CABIN1: variants seen among roughly 807,000 people sequenced by gnomAD.
CABIN1 encodes the protein calcineurin binding protein 1.
In CABIN1, 133 loss-of-function variants were observed where a neutral mutation model predicts 227.7. The ratio of observed to expected loss-of-function variants is 0.58; its 90% CI spans 0.51 to 0.67. CABIN1 has a LOEUF of 0.67. CABIN1 is among the 30% of genes least tolerant of loss of function. The pLI, the probability that CABIN1 is intolerant of heterozygous loss-of-function variation, is 0.00. For synonymous variants in CABIN1, 1,086 were observed against 1,155.1 expected, an observed-to-expected ratio of 0.94 and a Z score of 1.21; for missense variants, 2,408 against 2,852.5, an observed-to-expected ratio of 0.84 and a Z score of 3.55.
At chr22:24,132,350 C>T (rs1021227430) in intron 28 of CABIN1, among the ~76,000 whole-genome samples, 1 of 152,148 alleles carries the variant, frequency 6.6e-6, no homozygotes, top group African/African-American at 2.4e-5. Flanking sequence ...TGAAGCCCCA[C>T]CCCTTTCTCC....
rs939620418 is a variant in CABIN1 at position 24,042,016 on chromosome 22, A to G, written c.345+743A>G. The stretch of plus-strand genomic sequence containing the variant: ...GCCCATGCTGGAGTGCAGTGGCACA[A>G]TCAGGGCTCACTGCAGCCTCGACTT... On this transcript the variant is annotated intron_variant, in intron 5 of 36. Transcript: ENST00000263119. Among the ~76,000 whole-genome samples, 5 of 152,334 alleles carry G rather than the reference A, an allele frequency of 3.3e-5. No homozygotes were observed. The East Asian group carries it at 9.6e-4, about 29-fold the overall frequency.
intron 23 of CABIN1, among the ~76,000 whole-genome samples, chr22:24,089,909 C>T (rs1393343954): frequency 6.6e-6 from 1 of 152,228 alleles, no homozygotes; most frequent in Non-Finnish European, 1.5e-5. Flanking sequence ...GTGGTTCCTT[C>T]TCCAAGGCAG....
intron 25 of CABIN1, among the ~76,000 whole-genome samples, chr22:24,097,194 T>C (rs1259756397): frequency 6.6e-6 from 1 of 152,254 alleles, no homozygotes; most frequent in East Asian, 1.9e-4. Context: ...TTTTTTTTAA[T>C]TATACAAATA....
At chr22:24,109,188 C>T (rs2042674594) in intron 26 of CABIN1, among the ~76,000 whole-genome samples, 1 of 150,598 alleles carries the variant, frequency 6.6e-6, no homozygotes, top group South Asian at 2.1e-4. Flanking sequence ...AGAGTCCAGG[C>T]TTTCAACTTT....
intron 32 of CABIN1, among the ~76,000 whole-genome samples, chr22:24,167,698 A>G (rs191927777): frequency 2.6e-4 from 40 of 152,318 alleles, no homozygotes; most frequent in Middle Eastern, 3.4e-3. Flanking sequence ...ATTTTAATGT[A>G]TCAAGCACTT....
At chr22:24,107,242 C>T (rs996650038) in intron 26 of CABIN1, among the ~76,000 whole-genome samples, 2 of 152,202 alleles carry the variant, frequency 1.3e-5, no homozygotes, top group African/African-American at 2.4e-5. Flanking sequence ...CTGTGGTGAG[C>T]CCCATTAGCA....
intron 5 of CABIN1, 78 bp downstream of exon 5, chr22:24,041,351 G>A (rs1395209065): frequency 4.4e-6 from 7 of 1,579,828 alleles, no homozygotes; most frequent in Admixed American, 1.7e-5. Flanking sequence ...GGTCTTGTGG[G>A]CCAAAAAGAA....
At chr22:24,059,634 TCAG>T (rs2039046622) in intron 11 of CABIN1, among the ~76,000 whole-genome samples, 2 of 152,198 alleles carry the variant, frequency 1.3e-5, no homozygotes, top group African/African-American at 4.8e-5. Context: ...TGAGTGTGTA[TCAG>T]TGTATAACTG....
intron 10 of CABIN1, 126 bp from the exon 11 acceptor site, chr22:24,059,101 C>T: frequency 3.3e-6 from 4 of 1,223,816 alleles, no homozygotes; most frequent in East Asian, 2.4e-5. Flanking sequence ...GGGTTCTGGA[C>T]CCCACCACCC....
chr22:24,084,750 A>G lies in CABIN1; in HGVS notation c.3082A>G (p.Lys1028Glu), dbSNP rs1179286748. ...AGAGAGGCCAGCCCTTAGCCTGGACAAAGTCTCTGCCTACATTGAGGGAAC... is the reference window on the plus strand; with the variant it reads ...AGAGAGGCCAGCCCTTAGCCTGGACGAAGTCTCTGCCTACATTGAGGGAAC... ...RTERPALSLD[K>E]VSAYIEGTST... Residue 1028 changes from lysine (K) to glutamate (E), a missense_variant, in exon 21 of 37, where the codon AAA becomes GAA. Physicochemically the swap from Lys to Glu is moderately conservative, Grantham distance 56. Transcript: ENST00000263119. The G allele has an allele frequency of 1.2e-6, 2 of 1,614,124 alleles. No homozygotes were observed. Among genetic ancestry groups the G allele is most frequent in the Non-Finnish European group, 8.5e-7 (1 of 1,180,052 alleles).
chr22:24,115,115 T>C (rs946424171), intron 27 of CABIN1, among the ~76,000 whole-genome samples: 3 of 152,226 alleles, frequency 2.0e-5, no homozygotes, highest in Non-Finnish European at 4.4e-5. Flanking sequence ...TTTCTGTTTT[T>C]AAAAATAAGA....
chr22:24,040,996 A>G, intron 4 of CABIN1, 143 bp from the exon 5 acceptor site: 4 of 901,836 alleles, frequency 4.4e-6, no homozygotes, highest in Middle Eastern at 2.9e-4. Flanking sequence ...CACATGGTGC[A>G]GTGCCTTCAT....
At chr22:24,155,349 A>G (rs574310826) in intron 29 of CABIN1, among the ~76,000 whole-genome samples, 2 of 152,164 alleles carry the variant, frequency 1.3e-5, no homozygotes, top group East Asian at 1.9e-4. Context: ...AAAGCTGCTC[A>G]TGTCCTGGGG....
intron 29 of CABIN1, among the ~76,000 whole-genome samples, chr22:24,143,641 G>T (rs2044919969): frequency 6.6e-6 from 1 of 152,226 alleles, no homozygotes; most frequent in South Asian, 2.1e-4. Context: ...GCCTGGCAGA[G>T]AGTAGCGGCC....
At chr22:24,012,188 T>C (rs951848892) in intron 1 of CABIN1, among the ~76,000 whole-genome samples, 1 of 152,182 alleles carries the variant, frequency 6.6e-6, no homozygotes, top group African/African-American at 2.4e-5. Flanking sequence ...CTCTGTCTAC[T>C]TAACTGTAGC....
In CABIN1 at chr22:24,171,933, A is replaced by G; in HGVS notation, c.5978A>G (p.Asp1993Gly). 5.0e-6 allele frequency: 8 copies of G among 1,613,840 alleles called. No homozygotes were observed. Among genetic ancestry groups the G allele is most frequent in the Non-Finnish European group, 6.8e-6 (8 of 1,180,022 alleles). Reference protein sequence around the residue: ...ASASTLDQSKDPGPPRPHRPE... With the variant: ...ASASTLDQSKGPGPPRPHRPE... ...GCTTCCACCCTGGACCAGTCCAAGG[A>G]CCCTGGGCCTCCCCGGCCACACAGG... Residue 1993 changes from aspartate (D) to glycine (G), a missense_variant, in exon 34 of 37, where the codon GAC becomes GGC. Asp to Gly is a moderately conservative substitution (Grantham distance 94). Coordinates refer to ENST00000263119, the MANE Select transcript of CABIN1 (RefSeq NM_012295.4).
intron 29 of CABIN1, among the ~76,000 whole-genome samples, chr22:24,140,415 C>T (rs1181952702): frequency 6.6e-6 from 1 of 152,182 alleles, no homozygotes; most frequent in Non-Finnish European, 1.5e-5. Context: ...AGGCACCAAG[C>T]TAGGTGGTAG....
chr22:24,132,052 A>G (rs991135740), intron 28 of CABIN1, among the ~76,000 whole-genome samples: 58 of 144,274 alleles, frequency 4.0e-4, no homozygotes, highest in African/African-American at 1.4e-3. Context: ...ACGGAGTGAC[A>G]CTCTGTCTCC....
In CABIN1 at chr22:24,171,890, T is replaced by C; in HGVS notation, c.5935T>C (p.Cys1979Arg). The change falls in exon 34 of 37, where the codon TGC (cysteine) becomes CGC (arginine). Residue 1979 changes from cysteine (C) to arginine (R), a missense_variant. This residue lies in a region of CABIN1 where 714 missense variants were observed against 773.8 expected (regional missense o/e 0.92). Transcript: ENST00000263119. ...AGCTGCCGCCACAACTATTATCACC[T>C]GCCCTCCGTCAGCATCAGCTTCCAC... ...ALAAATTIIT[C>R]PPSASASTLD... 1 of 1,614,098 alleles carries C rather than the reference T, an allele frequency of 6.2e-7. No individual in the cohort carries two copies.
Sources: gnomAD v4.1 joint callset for allele counts (sites outside exome capture counted in the v4.1 genomes callset) on GRCh38, gnomAD v4.1.1 for gene constraint, gnomAD v4.1.1 regional missense constraint, MANE v1.5 for transcripts, NCBI Gene and HGNC (gene_info 2026-07-23, HGNC 2026-07-21) for gene names.